The following C1QTNF2 variants were observed in gnomAD, a reference collection of about 807,000 sequenced individuals.
C1QTNF2 encodes complement C1q tumor necrosis factor-related protein 2.
Under a neutral mutation model 17.4 loss-of-function variants are expected in C1QTNF2, and 15 were observed. That is an observed-to-expected ratio of 0.86 (90% CI 0.58 to 1.33). The LOEUF (loss-of-function observed/expected upper bound fraction) is 1.33. Among genes scored for constraint, C1QTNF2 ranks in the 40% most tolerant of loss-of-function variants. The probability of loss-of-function intolerance (pLI) is 0.00; values close to 1 mark genes in which losing one functional copy is unlikely to be tolerated. For missense variants in C1QTNF2, 381 were observed against 392.3 expected, an observed-to-expected ratio of 0.97 and a Z score of 0.24; for synonymous variants, 154 against 163.3, an observed-to-expected ratio of 0.94 and a Z score of 0.44.
At chr5:160,360,878 T>C (rs1764141643) in intron 1 of C1QTNF2, among the ~76,000 whole-genome samples, 1 of 148,380 alleles carries the variant, frequency 6.7e-6, no homozygotes, top group African/African-American at 2.5e-5. Context: ...CACTGCAACC[T>C]CCATCTGCTG....
At chr5:160,370,430 G>A (rs1401048857) in intron 1 of C1QTNF2, 82 bp downstream of exon 1, 4 of 1,350,694 alleles carry the variant, frequency 3.0e-6, no homozygotes, top group African/African-American at 1.5e-5. Context: ...ATCCCGCCCC[G>A]CCCGCAGCAG....
chr5:160,354,597 A>AAATATATATATATATAT (rs769774870), intron 2 of C1QTNF2, among the ~76,000 whole-genome samples, 171 bp downstream of exon 2: 1 of 89,306 alleles, frequency 1.1e-5, no homozygotes, highest in Non-Finnish European at 2.1e-5. Flanking sequence ...AAAAAAAAAA[A>AAATATATATATATATAT]GTATATATAT....
In C1QTNF2 at chr5:160,355,574, G is replaced by A. The variant is rs961084818; in HGVS notation, c.-9-554C>T. Among the ~76,000 whole-genome samples the A allele has an allele frequency of 3.0e-4, 46 of 152,174 alleles. 1 individual carries two copies. Among genetic ancestry groups the A allele is most frequent in the African/African-American group, 4.6e-4 (19 of 41,432 alleles). Reference sequence around the variant, plus strand: ...CGTGGTAGCAGCTCCTCCCCCAAGCGCTTCCTGTGCGCCAGGCATGTGCTA... The same window carrying A: ...CGTGGTAGCAGCTCCTCCCCCAAGCACTTCCTGTGCGCCAGGCATGTGCTA... On this transcript the variant is annotated intron_variant, in intron 1 of 2. Coordinates refer to ENST00000652664, the MANE Select transcript of C1QTNF2 (RefSeq NM_031908.6).
intron 1 of C1QTNF2, among the ~76,000 whole-genome samples, chr5:160,356,833 G>C (rs72814352): frequency 6.6e-6 from 1 of 151,936 alleles, no homozygotes; most frequent in Non-Finnish European, 1.5e-5. Flanking sequence ...CAGGCTTTTC[G>C]GCTGCCTCTG....
In C1QTNF2 at chr5:160,354,584, G is replaced by GAAAAAAAA. The variant is rs200801719; in HGVS notation, c.244+176_244+183dup. ...ACAGAGCAAGCCTCTGTCTCAAGGG[G>GAAAAAAAA]AAAAAAAAAAAAAGTATATATATAT... On this transcript the variant is annotated intron_variant, in intron 2 of 2. Coordinates refer to ENST00000652664, the MANE Select transcript of C1QTNF2 (RefSeq NM_031908.6). Among the ~76,000 whole-genome samples, 200 of 27,402 alleles carry GAAAAAAAA rather than the reference G, an allele frequency of 7.3e-3. 3 individuals carry two copies. Among genetic ancestry groups the GAAAAAAAA allele is most frequent in the African/African-American group, 0.029 (187 of 6,350 alleles). The allele number at this position is 27,402 out of a possible 152,430, so 18.0% of individuals were successfully genotyped here.
chr5:160,354,515 G>T (rs1375705309), intron 2 of C1QTNF2, among the ~76,000 whole-genome samples: 1 of 149,538 alleles, frequency 6.7e-6, no homozygotes, highest in Non-Finnish European at 1.5e-5. Flanking sequence ...GGAGGCAGAG[G>T]TTGCAGTGAG....
intron 2 of C1QTNF2, among the ~76,000 whole-genome samples, chr5:160,353,484 C>G (rs1393135357): frequency 6.6e-6 from 1 of 152,072 alleles, no homozygotes; most frequent in Non-Finnish European, 1.5e-5. Flanking sequence ...ACTGACTGCC[C>G]CCACCACCCA....
At chr5:160,369,395 T>C (rs1456441934) in intron 1 of C1QTNF2, among the ~76,000 whole-genome samples, 1 of 152,142 alleles carries the variant, frequency 6.6e-6, no homozygotes, top group East Asian at 1.9e-4. Context: ...AATGAAGGGC[T>C]GTAGTGATGC....
At chr5:160,355,250 TC>T in intron 1 of C1QTNF2, 1 of 985,258 alleles carries the variant, frequency 1.0e-6, no homozygotes, top group Non-Finnish European at 1.2e-6. Context: ...CGAAGGGGTC[TC>T]GGGGGTGAGG....
At chr5:160,360,749 G>T (rs1157603655) in intron 1 of C1QTNF2, among the ~76,000 whole-genome samples, 1 of 151,784 alleles carries the variant, frequency 6.6e-6, no homozygotes, top group African/African-American at 2.4e-5. Context: ...ATATTAGTTG[G>T]TTAAACCCCA....
At chr5:160,367,103 CT>C (rs1318165423) in intron 1 of C1QTNF2, among the ~76,000 whole-genome samples, 9 of 152,252 alleles carry the variant, frequency 5.9e-5, no homozygotes, top group African/African-American at 2.2e-4. Context: ...GAACATGCCC[CT>C]GCCACTGAGG....
intron 2 of C1QTNF2, among the ~76,000 whole-genome samples, chr5:160,350,211 T>C (rs545880833): frequency 6.6e-6 from 1 of 152,274 alleles, no homozygotes; most frequent in East Asian, 1.9e-4. Context: ...AAGGATTTTA[T>C]TGCAGCATTG....
chr5:160,362,432 A>G (rs1455785077), intron 1 of C1QTNF2, among the ~76,000 whole-genome samples: 2 of 152,244 alleles, frequency 1.3e-5, no homozygotes, highest in African/African-American at 4.8e-5. Flanking sequence ...CCATAAAGAT[A>G]GAAACCCCAA....
chr5:160,350,145 C>A (rs1168305221), intron 2 of C1QTNF2, among the ~76,000 whole-genome samples: 4 of 152,176 alleles, frequency 2.6e-5, no homozygotes, highest in African/African-American at 9.7e-5. Context: ...TTGATTTCAA[C>A]ACGTTGATCT....
At chr5:160,354,598 G>GTATATATA (rs1172776724) in intron 2 of C1QTNF2, among the ~76,000 whole-genome samples, 170 bp downstream of exon 2, 1,403 of 30,368 alleles carry the variant, frequency 0.046, 71 homozygotes, top group African/African-American at 0.086. Flanking sequence ...AAAAAAAAAA[G>GTATATATA]TATATATATA....
intron 2 of C1QTNF2, among the ~76,000 whole-genome samples, chr5:160,350,673 G>C (rs1763901186): frequency 6.6e-6 from 1 of 152,084 alleles, no homozygotes; most frequent in Admixed American, 6.5e-5. Flanking sequence ...CTGCATTCCA[G>C]CCTGGGCAAC....
At chr5:160,360,147 C>G (rs764951850) in intron 1 of C1QTNF2, among the ~76,000 whole-genome samples, 1 of 152,330 alleles carries the variant, frequency 6.6e-6, no homozygotes, top group Non-Finnish European at 1.5e-5. Flanking sequence ...CTTTTCCCAG[C>G]TCTTTGTTTC....
rs373566036 is a variant in C1QTNF2, at chr5:160,356,004, A to T, written c.-9-984T>A. On this transcript the variant is annotated intron_variant, in intron 1 of 2. Transcript: ENST00000652664. Reference sequence around the variant, plus strand: ...CCTGTGCCCTCCTGTCCCAGGCTAGACCGTGTCCTTAAGGCTGATGGCAGC... The same window carrying T: ...CCTGTGCCCTCCTGTCCCAGGCTAGTCCGTGTCCTTAAGGCTGATGGCAGC... Among the ~76,000 whole-genome samples, 4 of 152,206 alleles carry T rather than the reference A, an allele frequency of 2.6e-5. No homozygotes were observed. In the East Asian group the frequency reaches 7.7e-4, roughly 29 times the overall value.
chr5:160,367,785 A>G (rs777763302), intron 1 of C1QTNF2, among the ~76,000 whole-genome samples: 9 of 152,204 alleles, frequency 5.9e-5, no homozygotes, highest in Admixed American at 1.3e-4. Flanking sequence ...CCCAAATGTC[A>G]TGCATCCCAT....
Sources: allele counts gnomAD v4.1 joint callset (sites outside exome capture counted in the v4.1 genomes callset), GRCh38; gene constraint gnomAD v4.1.1; transcripts MANE v1.5; gene names NCBI Gene and HGNC (gene_info 2026-07-23, HGNC 2026-07-21).